Variants in ZRANB3 observed in about 807,000 individuals in gnomAD.
ZRANB3 encodes zinc finger RANBP2-type containing 3, also known as DNA annealing helicase and endonuclease ZRANB3.
Under a neutral mutation model 133.8 loss-of-function variants are expected in ZRANB3, and 125 were observed. The observed-to-expected ratio is 0.93, with a 90% CI of 0.81 to 1.08. The LOEUF (loss-of-function observed/expected upper bound fraction) is 1.08. Ranked by LOEUF, ZRANB3 falls within the 50% of genes least tolerant of loss-of-function variation. ZRANB3 has a pLI of 0.00. For missense variants in ZRANB3, 1,229 were observed against 1,275.5 expected (o/e 0.96, Z 0.56); for synonymous variants, 387 against 432.7 (o/e 0.89, Z 1.31).
chr2:135,208,336 T>C (rs541784251), intron 18 of ZRANB3, among the ~76,000 whole-genome samples: 3 of 152,268 alleles, frequency 2.0e-5, no homozygotes, highest in African/African-American at 4.8e-5. Context: ...ACAGTGCTGA[T>C]AGGAATTAGA....
intron 1 of ZRANB3, among the ~76,000 whole-genome samples, chr2:135,508,401 T>A (rs1693293034): frequency 6.6e-6 from 1 of 152,182 alleles, no homozygotes; most frequent in African/African-American, 2.4e-5. Context: ...CCTCCCAAAG[T>A]GCTGGGATTA....
At chr2:135,299,277 GA>G (rs1319580516) in intron 8 of ZRANB3, among the ~76,000 whole-genome samples, 1 of 152,092 alleles carries the variant, frequency 6.6e-6, no homozygotes, top group East Asian at 1.9e-4. Flanking sequence ...GGTCTCCAGG[GA>G]AGTGGGGGAA....
chr2:135,299,721 C>T (rs1173972060), intron 8 of ZRANB3, among the ~76,000 whole-genome samples: 2 of 152,086 alleles, frequency 1.3e-5, no homozygotes, highest in African/African-American at 4.8e-5. Context: ...CTTTGTCCTC[C>T]TAAGAAGTAC....
At chr2:135,335,692 C>CAAACAAAACAAAACAAAACAAAACA (rs554931885) in intron 6 of ZRANB3, among the ~76,000 whole-genome samples, 13 of 151,698 alleles carry the variant, frequency 8.6e-5, no homozygotes, top group African/African-American at 3.2e-4. Flanking sequence ...GACTCTGTCT[C>CAAACAAAACAAAACAAAACAAAACA]AAACAAAACA....
chr2:135,383,992 T>G (rs1270738440), intron 3 of ZRANB3, among the ~76,000 whole-genome samples: 3 of 151,814 alleles, frequency 2.0e-5, no homozygotes, highest in African/African-American at 7.3e-5. Context: ...ATAACTAAGA[T>G]CAGAGCAGAA....
At chr2:135,334,692 G>A (rs915021852) in intron 6 of ZRANB3, among the ~76,000 whole-genome samples, 1 of 151,876 alleles carries the variant, frequency 6.6e-6, no homozygotes, top group Non-Finnish European at 1.5e-5. Context: ...TCAGGAGATC[G>A]AGACCATCCT....
At chr2:135,353,341 C>G in intron 4 of ZRANB3, 109 bp downstream of exon 4, 1 of 650,776 alleles carries the variant, frequency 1.5e-6, no homozygotes, top group Non-Finnish European at 2.3e-6. Flanking sequence ...ACTACTTACT[C>G]CACTTCTAAA....
Position 135,345,584 on chromosome 2 carries a change from C to A in ZRANB3, c.643G>T (p.Asp215Tyr). Residue 215 changes from aspartate to tyrosine, a missense_variant, in exon 6 of 21, where the codon GAC (aspartate) becomes TAC (tyrosine). By Grantham distance (160) the Asp-to-Tyr change is radical. Transcript: ENST00000264159. ...GCATTACAGTATCTTTTTGCATAGT[C>A]GGTCCATCTTCCAAATTTTTGTGGA... ...LFPQKFGRWT[D>Y]YAKRYCNAHI... The A allele has an allele frequency of 6.2e-7, 1 of 1,612,612 alleles. No individual in the cohort carries two copies. The highest frequency in any genetic ancestry group is 1.1e-5 in the South Asian group (1 of 90,770).
intron 2 of ZRANB3, among the ~76,000 whole-genome samples, chr2:135,401,847 T>A (rs1220242658): frequency 6.6e-6 from 1 of 152,052 alleles, no homozygotes; most frequent in Non-Finnish European, 1.5e-5. Flanking sequence ...TCCTCATCAT[T>A]AAAAAAGGAA....
intron 2 of ZRANB3, among the ~76,000 whole-genome samples, chr2:135,453,502 C>T (rs530185046): frequency 5.9e-5 from 9 of 152,304 alleles, no homozygotes; most frequent in African/African-American, 2.2e-4. Context: ...TTTAACAGTA[C>T]CCAAGTCACC....
chr2:135,296,091 G>A (rs1023748623), intron 8 of ZRANB3, among the ~76,000 whole-genome samples: 17 of 152,068 alleles, frequency 1.1e-4, no homozygotes, highest in African/African-American at 3.4e-4. Flanking sequence ...TCTTTGTGGC[G>A]TTCTCTGTAT....
intron 8 of ZRANB3, among the ~76,000 whole-genome samples, chr2:135,292,002 A>G (rs530562583): frequency 5.7e-4 from 86 of 152,140 alleles, no homozygotes; most frequent in Non-Finnish European, 1.1e-3. Context: ...TCATTGTTGG[A>G]CATTTGGGTT....
chr2:135,221,982 C>G (rs554041320), intron 15 of ZRANB3, among the ~76,000 whole-genome samples: 2 of 152,122 alleles, frequency 1.3e-5, no homozygotes, highest in Admixed American at 6.5e-5. Context: ...TATCTATATT[C>G]GGTTTAGTAG....
chr2:135,282,620 A>C (rs1681148904), intron 8 of ZRANB3, among the ~76,000 whole-genome samples: 1 of 152,220 alleles, frequency 6.6e-6, no homozygotes, highest in South Asian at 2.1e-4. Context: ...CTGCAAATAC[A>C]AATCTAATAC....
At chr2:135,349,704 C>T (rs1056530226) in intron 5 of ZRANB3, among the ~76,000 whole-genome samples, 2 of 152,050 alleles carry the variant, frequency 1.3e-5, no homozygotes, top group Non-Finnish European at 2.9e-5. Flanking sequence ...CTCAGGAACA[C>T]ATTATGAAGA....
At chr2:135,349,186 C>G (rs1273349455) in intron 5 of ZRANB3, among the ~76,000 whole-genome samples, 1 of 152,112 alleles carries the variant, frequency 6.6e-6, no homozygotes, top group African/African-American at 2.4e-5. Flanking sequence ...ATAGCTGTCA[C>G]CCAGGCTTGG....
intron 12 of ZRANB3, among the ~76,000 whole-genome samples, chr2:135,231,887 C>T (rs192532924): frequency 6.6e-6 from 1 of 152,176 alleles, no homozygotes; most frequent in Admixed American, 6.5e-5. Flanking sequence ...TGGGTGATTT[C>T]TGCATTTCCA....
chr2:135,430,295 C>A (rs958905744), intron 2 of ZRANB3, among the ~76,000 whole-genome samples: 1 of 151,862 alleles, frequency 6.6e-6, no homozygotes, highest in African/African-American at 2.4e-5. Flanking sequence ...ATGATATGAT[C>A]GCAGGAACTA....
chr2:135,233,307 C>A (rs112101920), intron 12 of ZRANB3, among the ~76,000 whole-genome samples: 1 of 152,164 alleles, frequency 6.6e-6, no homozygotes, highest in Admixed American at 6.5e-5. Flanking sequence ...AAGATCAAAT[C>A]TACATCTGAT....
Sources: gnomAD v4.1 joint callset for allele counts (sites outside exome capture counted in the v4.1 genomes callset) on GRCh38, gnomAD v4.1.1 for gene constraint, MANE v1.5 for transcripts, NCBI Gene and HGNC (gene_info 2026-07-23, HGNC 2026-07-21) for gene names.